Variants in RALYL observed in about 807,000 individuals in gnomAD.
RALYL encodes RNA-binding Raly-like protein.
In RALYL, 29 loss-of-function variants were observed where a neutral mutation model predicts 35.1. The ratio of observed to expected loss-of-function variants is 0.83; its 90% CI spans 0.61 to 1.13. The LOEUF is 1.13. RALYL is among the 50% of genes most tolerant of loss of function. The pLI, the probability that RALYL is intolerant of heterozygous loss-of-function variation, is 0.00. For missense variants in RALYL, 359 were observed against 360.4 expected (o/e 1.00, Z 0.03); for synonymous variants, 120 against 127.6 (o/e 0.94, Z 0.40).
At chr8:84,816,524 C>T (rs746615149) in intron 4 of RALYL, among the ~76,000 whole-genome samples, 3 of 152,002 alleles carry the variant, frequency 2.0e-5, no homozygotes, top group Non-Finnish European at 4.4e-5. Flanking sequence ...TTCACTGTAT[C>T]AGAATAATTT....
rs1007495168 is a variant in RALYL at position 84,882,289 on chromosome 8, G to T, written c.686-5315G>T. ...AAAGAAGCCAACAGACACTCCAAAAGATGCCAGTGTTCGAAGGCAGCCCTC... is the reference window on the plus strand; with the variant it reads ...AAAGAAGCCAACAGACACTCCAAAATATGCCAGTGTTCGAAGGCAGCCCTC... On this transcript the variant is annotated intron_variant, in intron 7 of 8. Coordinates refer to ENST00000521268, the MANE Select transcript of RALYL (RefSeq NM_173848.7). 2.6e-5 allele frequency among the ~76,000 whole-genome samples: 4 copies of T among 152,050 alleles called. No individual in the cohort carries two copies. In the South Asian group the frequency reaches 6.2e-4, roughly 24 times the overall value.
chr8:84,461,051 T>C, intron 1 of RALYL, among the ~76,000 whole-genome samples: 1 of 151,812 alleles, frequency 6.6e-6, no homozygotes, highest in Admixed American at 6.6e-5. Flanking sequence ...ATTTTGAATA[T>C]ATCTTAGTGC....
intron 6 of RALYL, among the ~76,000 whole-genome samples, chr8:84,868,285 T>G (rs1427829399): frequency 6.6e-6 from 1 of 152,168 alleles, no homozygotes; most frequent in Non-Finnish European, 1.5e-5. Context: ...CTCAAACTCC[T>G]GCACTCAAGC....
At chr8:84,447,582 T>A (rs1487817952) in intron 1 of RALYL, among the ~76,000 whole-genome samples, 12 of 152,034 alleles carry the variant, frequency 7.9e-5, no homozygotes, top group Admixed American at 7.9e-4. Context: ...TGTCCTCTCA[T>A]GGTTAACACA....
chr8:84,380,033 T>TGG, intron 1 of RALYL, among the ~76,000 whole-genome samples: 1 of 151,258 alleles, frequency 6.6e-6, no homozygotes, highest in Admixed American at 6.6e-5. Context: ...ACTTTAATGG[T>TGG]GGTAGACTAT....
At chr8:84,512,598 T>C (rs963241447) in intron 1 of RALYL, among the ~76,000 whole-genome samples, 3 of 152,152 alleles carry the variant, frequency 2.0e-5, no homozygotes, top group Non-Finnish European at 4.4e-5. Flanking sequence ...AGCCATAAAA[T>C]ATTTGCCTTG....
chr8:84,352,842 A>G (rs1423938615), intron 1 of RALYL, among the ~76,000 whole-genome samples: 1 of 150,210 alleles, frequency 6.7e-6, no homozygotes, highest in African/African-American at 2.5e-5. Context: ...TAGACCTAGC[A>G]TTTGAACATT....
At chr8:84,218,794 C>T (rs73297874) in intron 1 of RALYL, among the ~76,000 whole-genome samples, 5,088 of 152,096 alleles carry the variant, frequency 0.033, 291 homozygotes, top group African/African-American at 0.11. Flanking sequence ...TATGATAACC[C>T]TTTAAAAAAT....
At chr8:84,570,099 G>A (rs1432425773) in intron 2 of RALYL, among the ~76,000 whole-genome samples, 1 of 151,730 alleles carries the variant, frequency 6.6e-6, no homozygotes, top group African/African-American at 2.4e-5. Context: ...GGAATTTTAG[G>A]ATTGGTTTTC....
In RALYL at chr8:84,442,447, C is replaced by T. The variant is rs565988752; in HGVS notation, c.-23-86852C>T. On this transcript the variant is annotated intron_variant, in intron 1 of 8. Transcript: ENST00000521268. The stretch of plus-strand genomic sequence containing the variant: ...GTCTGTTCTTTTTCTTTTCCTACAA[C>T]CACCATTTTTGCTTGCCTTCTACAT... Among the ~76,000 whole-genome samples, 24 of 152,172 alleles carry T rather than the reference C, an allele frequency of 1.6e-4. 1 individual carries two copies. Among genetic ancestry groups the T allele is most frequent in the South Asian group, 6.2e-4 (3 of 4,826 alleles).
At chr8:84,387,858 T>A (rs1859607025) in intron 1 of RALYL, among the ~76,000 whole-genome samples, 1 of 151,694 alleles carries the variant, frequency 6.6e-6, no homozygotes, top group African/African-American at 2.4e-5. Flanking sequence ...AAATTTATTA[T>A]TATACTTCAA....
chr8:84,838,287 A>AGAT (rs1832452221), intron 4 of RALYL, among the ~76,000 whole-genome samples: 1 of 152,230 alleles, frequency 6.6e-6, no homozygotes, highest in Non-Finnish European at 1.5e-5. Flanking sequence ...TTTATGAAAG[A>AGAT]GATAGAATCT....
At chr8:84,485,026 A>G (rs1291853149) in intron 1 of RALYL, among the ~76,000 whole-genome samples, 2 of 152,092 alleles carry the variant, frequency 1.3e-5, no homozygotes, top group Non-Finnish European at 2.9e-5. Context: ...CCCCTACGGT[A>G]CTTATACTTT....
chr8:84,365,456 A>G (rs1031228987), intron 1 of RALYL, among the ~76,000 whole-genome samples: 2 of 152,208 alleles, frequency 1.3e-5, no homozygotes, highest in African/African-American at 4.8e-5. Flanking sequence ...ACTACAATCT[A>G]TAAACTATTT....
chr8:84,829,650 G>C (rs1830457554), intron 4 of RALYL, among the ~76,000 whole-genome samples: 2 of 152,060 alleles, frequency 1.3e-5, no homozygotes, highest in Admixed American at 1.3e-4. Context: ...CAAACACACT[G>C]TCAATCAAGC....
At chr8:84,850,201 A>G (rs1364091415) in intron 5 of RALYL, among the ~76,000 whole-genome samples, 174 bp downstream of exon 5, 2 of 152,184 alleles carry the variant, frequency 1.3e-5, no homozygotes, top group African/African-American at 4.8e-5. Flanking sequence ...CATTATACTT[A>G]CTTGAGTACA....
intron 1 of RALYL, among the ~76,000 whole-genome samples, chr8:84,231,668 T>C (rs1825386826): frequency 6.6e-6 from 1 of 152,196 alleles, no homozygotes; most frequent in Non-Finnish European, 1.5e-5. Context: ...TGGAGTTCTG[T>C]TTATTTCTTA....
chr8:84,430,286 T>C (rs2047002216), intron 1 of RALYL, among the ~76,000 whole-genome samples: 1 of 152,188 alleles, frequency 6.6e-6, no homozygotes. Context: ...CCAAAGCATA[T>C]ATTTTCCTCT....
intron 4 of RALYL, among the ~76,000 whole-genome samples, chr8:84,809,311 C>T (rs540108722): frequency 6.6e-6 from 1 of 152,094 alleles, no homozygotes; most frequent in African/African-American, 2.4e-5. Context: ...TTAAACCATC[C>T]CTGCATCCCT....
Sources: gnomAD v4.1 joint callset for allele counts (sites outside exome capture counted in the v4.1 genomes callset) on GRCh38, gnomAD v4.1.1 for gene constraint, MANE v1.5 for transcripts, NCBI Gene and HGNC (gene_info 2026-07-23, HGNC 2026-07-21) for gene names.